The following CNOT1 variants were observed in gnomAD, a reference collection of about 807,000 sequenced individuals.
CNOT1 encodes the protein CCR4-NOT transcription complex subunit 1, also known as CCR4-associated factor 1.
In CNOT1, 15 loss-of-function variants were observed where a neutral mutation model predicts 273.8. The ratio of observed to expected loss-of-function variants is 0.05; its 90% CI spans 0.04 to 0.08. The LOEUF is 0.08. Among genes scored for constraint, CNOT1 ranks in the 10% least tolerant of loss-of-function variants. CNOT1 has a pLI of 1.00. For synonymous variants in CNOT1, 1,022 were observed against 1,005.5 expected (o/e 1.02, Z -0.31); for missense variants, 1,644 against 2,912.2 (o/e 0.56, Z 10.02).
In CNOT1 at chr16:58,545,541, T is replaced by C. The variant is rs190280994; in HGVS notation, c.4007-50A>G. 28 of 1,606,946 alleles carry C rather than the reference T, an allele frequency of 1.7e-5. 1 individual carries two copies. In the East Asian group the frequency reaches 5.8e-4, roughly 33 times the overall value. On this transcript the variant is annotated intron_variant, in intron 29 of 48. Transcript: ENST00000317147. ...ATTTAAAAAGTACATTTGTTGACTT[T>C]ATTATAAAATTAGCTTAATATCATT...
intron 16 of CNOT1, among the ~76,000 whole-genome samples, chr16:58,571,278 G>A (rs935725076): frequency 7.2e-5 from 11 of 152,256 alleles, no homozygotes; most frequent in East Asian, 3.9e-4. Flanking sequence ...CATTAAGGCC[G>A]GGCACGGTGG....
At chr16:58,618,754 CCTGT>C (rs2043190339) in intron 1 of CNOT1, among the ~76,000 whole-genome samples, 1 of 151,902 alleles carries the variant, frequency 6.6e-6, no homozygotes, top group African/African-American at 2.4e-5. Context: ...CGGCACATTA[CCTGT>C]CTGACATGAA....
At position 58,563,277 on chromosome 16, in the gene CNOT1, C is replaced by T. The variant is rs377559132; in HGVS notation, c.1980-2915G>A. ...ATAAATACCATTGTGTTATAATTGC[C>T]TTCAGTATATTCAGTATAGTAACAT... is the stretch of plus-strand genomic sequence containing the variant. On this transcript the variant is annotated intron_variant, in intron 16 of 48. Transcript: ENST00000317147. Among the ~76,000 whole-genome samples the T allele has an allele frequency of 3.9e-5, 6 of 152,238 alleles. No homozygotes were observed. The South Asian group carries it at 1.0e-3, about 26-fold the overall frequency.
Position 58,558,468 on chromosome 16 carries a change from C to T in CNOT1, c.2332+5G>A. 3.1e-6 allele frequency: 5 copies of T among 1,613,830 alleles called. No homozygotes were observed. Among genetic ancestry groups the T allele is most frequent in the Non-Finnish European group, 4.2e-6 (5 of 1,179,980 alleles). ...AATCCATGCTCTCATTTGCCTCCCCCTTACCTGGAAGCTGTGATGAAAGTC... is the reference window on the plus strand; with the variant it reads ...AATCCATGCTCTCATTTGCCTCCCCTTTACCTGGAAGCTGTGATGAAAGTC... On this transcript the variant is annotated splice_donor_5th_base_variant and intron_variant, in intron 18 of 48. Coordinates refer to ENST00000317147, the MANE Select transcript of CNOT1 (RefSeq NM_016284.5).
At position 58,593,186 on chromosome 16, in the gene CNOT1, G is replaced by A. The variant is rs2042122312; in HGVS notation, c.103-4280C>T. ...GCCTGTAATCCCAACACTTTGAGAG[G>A]CTGAGGAGGGCGGGATCTCTCGAGG... On this transcript the variant is annotated intron_variant, in intron 2 of 48. Transcript: ENST00000317147. Among the ~76,000 whole-genome samples, 3 of 152,288 alleles carry A rather than the reference G, an allele frequency of 2.0e-5. No individual in the cohort carries two copies. The South Asian group carries it at 6.2e-4, about 32-fold the overall frequency.
intron 1 of CNOT1, among the ~76,000 whole-genome samples, chr16:58,624,284 G>A (rs891987632): frequency 4.6e-5 from 7 of 152,278 alleles, no homozygotes; most frequent in Non-Finnish European, 8.8e-5. Context: ...ATGCGCAGGG[G>A]AAAACCCCAC....
intron 16 of CNOT1, among the ~76,000 whole-genome samples, chr16:58,562,318 AC>A (rs1429785058): frequency 2.6e-5 from 4 of 151,088 alleles, no homozygotes; most frequent in African/African-American, 9.7e-5. Context: ...GCCTGTGAAC[AC>A]AGCCAAGACT....
At chr16:58,522,227 G>A (rs552427780) in intron 47 of CNOT1, among the ~76,000 whole-genome samples, 31 of 112,960 alleles carry the variant, frequency 2.7e-4, no homozygotes, top group Non-Finnish European at 4.0e-4. Flanking sequence ...GCGACAAAGC[G>A]AGACTGTCTC....
intron 31 of CNOT1, 54 bp downstream of exon 31, chr16:58,543,553 T>C: frequency 6.2e-7 from 1 of 1,612,308 alleles, no homozygotes; most frequent in Non-Finnish European, 8.5e-7. Context: ...AAAAAATTAT[T>C]ACAGACAAGC....
At chr16:58,586,802 A>G in intron 6 of CNOT1, 54 bp from the exon 7 acceptor site, 1 of 1,563,972 alleles carries the variant, frequency 6.4e-7, no homozygotes, top group Non-Finnish European at 8.7e-7. Context: ...ACAATGGGTT[A>G]AAAAGTCATA....
At chr16:58,602,066 T>A (rs2152013369) in intron 1 of CNOT1, among the ~76,000 whole-genome samples, 1 of 152,032 alleles carries the variant, frequency 6.6e-6, no homozygotes, top group Admixed American at 6.6e-5. Flanking sequence ...CCTTTTATTT[T>A]TTTTATTTTT....
At chr16:58,535,972 G>C (rs1229904481) in intron 39 of CNOT1, among the ~76,000 whole-genome samples, 2 of 152,122 alleles carry the variant, frequency 1.3e-5, no homozygotes, top group Non-Finnish European at 2.9e-5. Context: ...CTGACCTCGT[G>C]ATCCGCCTGC....
intron 47 of CNOT1, 36 bp downstream of exon 47, chr16:58,523,334 C>A: frequency 6.4e-7 from 1 of 1,552,302 alleles, no homozygotes; most frequent in Non-Finnish European, 8.7e-7. Context: ...GGAGGAGATC[C>A]TTTTGAAGCA....
chr16:58,536,014 G>C (rs889834794), intron 39 of CNOT1, among the ~76,000 whole-genome samples: 1 of 152,144 alleles, frequency 6.6e-6, no homozygotes, highest in Non-Finnish European at 1.5e-5. Flanking sequence ...GATTACAGGC[G>C]TGAGCCACAG....
chr16:58,528,763 A>T (rs1733787617), intron 43 of CNOT1, 115 bp from the exon 44 acceptor site: 1 of 630,072 alleles, frequency 1.6e-6, no homozygotes, highest in Middle Eastern at 3.2e-4. Context: ...CTTTAGTAAC[A>T]TTTCTTAAAA....
At chr16:58,603,880 TTA>T (rs2042570479) in intron 1 of CNOT1, among the ~76,000 whole-genome samples, 1 of 152,206 alleles carries the variant, frequency 6.6e-6, no homozygotes, top group Non-Finnish European at 1.5e-5. Context: ...CATATCATAC[TTA>T]TATTTTTAGT....
chr16:58,593,718 C>T (rs2042146678), intron 2 of CNOT1, among the ~76,000 whole-genome samples: 1 of 151,994 alleles, frequency 6.6e-6, no homozygotes, highest in Non-Finnish European at 1.5e-5. Flanking sequence ...CAGAGTGAGA[C>T]TCTGTCTCAA....
intron 2 of CNOT1, among the ~76,000 whole-genome samples, chr16:58,590,179 G>C (rs1000256826): frequency 6.6e-6 from 1 of 152,078 alleles, no homozygotes; most frequent in African/African-American, 2.4e-5. Context: ...GAGCTTTCCT[G>C]GCTTAATCTT....
At chr16:58,589,016 G>C in intron 2 of CNOT1, 110 bp from the exon 3 acceptor site, 1 of 1,293,526 alleles carries the variant, frequency 7.7e-7, no homozygotes, top group African/African-American at 1.5e-5. Flanking sequence ...ATTTACATTA[G>C]TTACTCATTT....
Sources: allele counts gnomAD v4.1 joint callset (sites outside exome capture counted in the v4.1 genomes callset), GRCh38; gene constraint gnomAD v4.1.1; transcripts MANE v1.5; gene names NCBI Gene and HGNC (gene_info 2026-07-23, HGNC 2026-07-21).